The following BCR variants were observed in gnomAD, a reference collection of about 807,000 sequenced individuals.
BCR encodes breakpoint cluster region protein.
BCR carries 58 observed loss-of-function variants against 138.6 expected under a neutral mutation model. The ratio of observed to expected loss-of-function variants is 0.42; its 90% CI spans 0.34 to 0.52. BCR has a LOEUF of 0.52. Ranked by LOEUF, BCR falls within the 20% of genes least tolerant of loss-of-function variation. The pLI is 0.06. For missense variants in BCR, 1,599 were observed against 1,727.2 expected, an observed-to-expected ratio of 0.93 and a Z score of 1.32; for synonymous variants, 786 against 730.1, an observed-to-expected ratio of 1.08 and a Z score of -1.23.
intron 2 of BCR, among the ~76,000 whole-genome samples, chr22:23,257,539 G>A (rs941316605): frequency 6.6e-6 from 1 of 152,240 alleles, no homozygotes; most frequent in African/African-American, 2.4e-5. Context: ...CAGGCTGGGT[G>A]GATGGGTGGC....
At chr22:23,261,277 A>G in intron 3 of BCR, 78 bp from the exon 4 acceptor site, 1 of 1,446,158 alleles carries the variant, frequency 6.9e-7, no homozygotes, top group Admixed American at 2.0e-5. Context: ...GGTAACCATG[A>G]CTGTCTACTG....
chr22:23,184,872 T>G (rs1223167749), intron 1 of BCR, among the ~76,000 whole-genome samples: 5 of 149,620 alleles, frequency 3.3e-5, no homozygotes, highest in Non-Finnish European at 7.4e-5. Flanking sequence ...TAGAGGGCTG[T>G]GGAGCCTGCT....
chr22:23,296,218 CA>C (rs376270990), intron 16 of BCR, among the ~76,000 whole-genome samples: 2 of 151,814 alleles, frequency 1.3e-5, no homozygotes, highest in East Asian at 1.9e-4. Context: ...ACTAAAAATA[CA>C]AAAAATTAGC....
chr22:23,287,404 T>C (rs1366070188), intron 11 of BCR, 126 bp downstream of exon 11: 1 of 1,382,922 alleles, frequency 7.2e-7, no homozygotes, highest in African/African-American at 1.5e-5. Flanking sequence ...GCATGGTGCA[T>C]GCAAGCACGC....
At chr22:23,237,400 T>A (rs2073039208) in intron 1 of BCR, among the ~76,000 whole-genome samples, 7 of 152,116 alleles carry the variant, frequency 4.6e-5, no homozygotes, top group Admixed American at 3.3e-4. Context: ...GAGTAACAGG[T>A]GGGATCTGGA....
At chr22:23,294,981 C>G in intron 15 of BCR, 43 bp from the exon 16 acceptor site, 1 of 1,605,164 alleles carries the variant, frequency 6.2e-7, no homozygotes, top group Non-Finnish European at 8.5e-7. Context: ...TAACATTGAC[C>G]CGTTTGTTCA....
intron 16 of BCR, among the ~76,000 whole-genome samples, chr22:23,299,731 T>G (rs1339569192): frequency 1.3e-5 from 2 of 150,796 alleles, no homozygotes; most frequent in African/African-American, 4.9e-5. Context: ...AAAATATATA[T>G]TGGCACAAAG....
intron 20 of BCR, among the ~76,000 whole-genome samples, chr22:23,313,702 C>T (rs147897667): frequency 0.02 from 3,103 of 152,282 alleles, 59 homozygotes; most frequent in Non-Finnish European, 0.03. Flanking sequence ...CAGCTCTGCC[C>T]ATGAGCAGCT....
At chr22:23,190,649 T>C (rs982973033) in intron 1 of BCR, among the ~76,000 whole-genome samples, 1 of 152,114 alleles carries the variant, frequency 6.6e-6, no homozygotes, top group African/African-American at 2.4e-5. Context: ...TAACACTTGG[T>C]GAGTCCGTTA....
chr22:23,285,264 C>T (rs1228688966), intron 10 of BCR, 63 bp downstream of exon 10: 30 of 1,520,866 alleles, frequency 2.0e-5, no homozygotes, highest in South Asian at 2.5e-5. Flanking sequence ...CCCCCGCACA[C>T]GGCCAGTGGG....
intron 1 of BCR, among the ~76,000 whole-genome samples, chr22:23,233,477 G>T (rs1173159490): frequency 6.6e-6 from 1 of 152,152 alleles, no homozygotes; most frequent in Non-Finnish European, 1.5e-5. Flanking sequence ...TGCACGCCTG[G>T]CCCTGGGGTC....
chr22:23,191,217 T>G (rs1254110902), intron 1 of BCR, among the ~76,000 whole-genome samples: 1 of 152,254 alleles, frequency 6.6e-6, no homozygotes, highest in Non-Finnish European at 1.5e-5. Flanking sequence ...ATTATAGATG[T>G]GAGTTACTGC....
chr22:23,206,663 A>C (rs2072618041), intron 1 of BCR, among the ~76,000 whole-genome samples: 1 of 152,184 alleles, frequency 6.6e-6, no homozygotes, highest in African/African-American at 2.4e-5. Context: ...CAGGGTGTTA[A>C]AACTCAGAAA....
rs746660501 is a variant in BCR at position 23,181,167 on chromosome 22, C to G, written c.207C>G (p.Ser69Arg). ...CGTTGCTGGCCAAGGAAAAGAAGAGCTATGACCGGCAGCGATGGGGCTTCC... is the reference window on the plus strand; with the variant it reads ...CGTTGCTGGCCAAGGAAAAGAAGAGGTATGACCGGCAGCGATGGGGCTTCC... ...LQTLLAKEKK[S>R]YDRQRWGFRR... The change falls in exon 1 of 23, where the codon AGC becomes AGG. Residue 69 changes from serine to arginine, a missense_variant. This residue lies in a region of BCR where 806 missense variants were observed against 635.0 expected (regional missense o/e 1.27). Transcript: ENST00000305877. 7.1e-7 allele frequency: 1 copy of G among 1,412,930 alleles called. No homozygotes were observed. Among genetic ancestry groups the G allele is most frequent in the Non-Finnish European group, 9.4e-7 (1 of 1,064,484 alleles). 87.5% of individuals were successfully genotyped at this position (1,412,930 alleles called of 1,614,324 possible).
At chr22:23,240,650 A>T (rs2073079329) in intron 1 of BCR, among the ~76,000 whole-genome samples, 1 of 152,038 alleles carries the variant, frequency 6.6e-6, no homozygotes, top group South Asian at 2.1e-4. Context: ...AGACTGTCTC[A>T]AAAAGAAAAA....
intron 16 of BCR, among the ~76,000 whole-genome samples, chr22:23,305,909 C>G (rs1167996926): frequency 6.6e-6 from 1 of 152,156 alleles, no homozygotes; most frequent in Non-Finnish European, 1.5e-5. Context: ...ACTGTTTCCC[C>G]CTTGGTCATC....
At chr22:23,255,021 C>T (rs1205920318) in intron 2 of BCR, among the ~76,000 whole-genome samples, 12 of 150,908 alleles carry the variant, frequency 8.0e-5, no homozygotes, top group Admixed American at 6.6e-4. Flanking sequence ...AGAGCAAGAC[C>T]CTATCTTTAA....
In BCR at chr22:23,230,130, A is replaced by C. The variant is rs536590740; in HGVS notation, c.1280-23669A>C. Among the ~76,000 whole-genome samples the C allele has an allele frequency of 4.0e-5, 6 of 151,420 alleles. No individual in the cohort carries two copies. In the South Asian group the frequency reaches 1.3e-3, roughly 32 times the overall value. ...TGCCCATGCTGGGAGGCAAAATTCC[A>C]AAAACTGGAAAACCAGAAAAATCAC... is the stretch of plus-strand genomic sequence containing the variant. On this transcript the variant is annotated intron_variant, in intron 1 of 22. Transcript: ENST00000305877.
intron 2 of BCR, among the ~76,000 whole-genome samples, chr22:23,259,549 T>C (rs965038516): frequency 2.6e-4 from 39 of 150,318 alleles, no homozygotes; most frequent in African/African-American, 8.8e-4. Context: ...GGAGTTTCGC[T>C]CTTGTTGCCC....
Sources: allele counts gnomAD v4.1 joint callset (sites outside exome capture counted in the v4.1 genomes callset), GRCh38; gene constraint gnomAD v4.1.1; regional missense constraint gnomAD v4.1.1; transcripts MANE v1.5; gene names NCBI Gene and HGNC (gene_info 2026-07-23, HGNC 2026-07-21).